GALK1: variants seen among roughly 807,000 people sequenced by gnomAD.
GALK1 encodes galactokinase 1.
GALK1 carries 30 observed loss-of-function variants against 38.6 expected under a neutral mutation model. The ratio of observed to expected loss-of-function variants is 0.78; its 90% CI spans 0.58 to 1.05. GALK1 has a LOEUF of 1.05. GALK1 is among the 50% of genes least tolerant of loss of function. GALK1 has a pLI of 0.00. For missense variants in GALK1, 512 were observed against 540.5 expected (o/e 0.95, Z 0.52); for synonymous variants, 240 against 233.6 (o/e 1.03, Z -0.25).
chr17:75,761,630 GAAAAAAAA>G (rs76350654), intron 5 of GALK1, among the ~76,000 whole-genome samples: 1 of 61,410 alleles, frequency 1.6e-5, no homozygotes, highest in Admixed American at 2.0e-4. Context: ...AAAAAAAAAA[GAAAAAAAA>G]AAAAAAAGAG....
intron 8 of GALK1, chr17:75,752,634 G>C: frequency 6.2e-7 from 1 of 1,605,552 alleles, no homozygotes; most frequent in South Asian, 1.1e-5. Flanking sequence ...TACAGAGTGA[G>C]TCCACTGGGT....
intron 1 of GALK1, chr17:75,764,398 G>C (rs1443727220): frequency 1.6e-6 from 1 of 623,740 alleles, no homozygotes; most frequent in Admixed American, 1.8e-5. Context: ...TACATTTTGG[G>C]GTGGCTCTGG....
downstream of GALK1, chr17:75,753,673 T>C: frequency 1.2e-6 from 1 of 829,908 alleles, no homozygotes; most frequent in Non-Finnish European, 1.6e-6. Context: ...GGAGACGGGC[T>C]CCCCTCGCAG....
At chr17:75,755,190 C>G (rs148725082), downstream of GALK1, 83 of 1,605,326 alleles carry the variant, frequency 5.2e-5, no homozygotes, top group Non-Finnish European at 6.1e-5. Flanking sequence ...GCTGGGAGGC[C>G]AGCAGCGCCC....
At chr17:75,760,003 G>A (rs1211062790) in intron 5 of GALK1, among the ~76,000 whole-genome samples, 1 of 152,190 alleles carries the variant, frequency 6.6e-6, no homozygotes, top group East Asian at 1.9e-4. Flanking sequence ...GAGTTTTGGA[G>A]GGAATTAAAT....
downstream of GALK1, chr17:75,753,992 C>T: frequency 4.5e-6 from 5 of 1,114,778 alleles, no homozygotes; most frequent in South Asian, 7.1e-5. Flanking sequence ...GCTCACCCGC[C>T]GCCCCCCGAT....
downstream of GALK1, chr17:75,753,773 TG>T (rs959697295): frequency 1.4e-6 from 2 of 1,447,856 alleles, no homozygotes; most frequent in African/African-American, 2.9e-5. Flanking sequence ...AGGCTGCGGC[TG>T]GAAGTTCGAG....
chr17:75,760,460 A>G (rs1209217869), intron 5 of GALK1, among the ~76,000 whole-genome samples: 1 of 151,058 alleles, frequency 6.6e-6, no homozygotes, highest in Non-Finnish European at 1.5e-5. Context: ...CTAAGAAACT[A>G]TTAAGAGAAT....
In GALK1 at chr17:75,764,018, G is replaced by A. The variant is rs759712938; in HGVS notation, c.234C>T (p.Thr78=). 1 of 1,608,278 alleles carries A rather than the reference G, an allele frequency of 6.2e-7. No homozygotes were observed. Among genetic ancestry groups the A allele is most frequent in the South Asian group, 1.1e-5 (1 of 90,302 alleles). ...GCTGGGGCTCATCGGCACCCTCAGA[G>A]GTGGTGAGGAGAGACACCAGCCCAT... ...RKDGLVSLLT[T]SEGADEPQRL... Residue 78 remains threonine (T), a synonymous_variant, in exon 2 of 8, where the codon ACC becomes ACT. Transcript: ENST00000588479.
chr17:75,762,886 C>T lies in GALK1; in HGVS notation c.612-1G>A, dbSNP rs1555748556. 1 of 1,613,256 alleles carries T rather than the reference C, an allele frequency of 6.2e-7. No individual in the cohort carries two copies. The highest frequency in any genetic ancestry group is 8.5e-7 in the Non-Finnish European group (1 of 1,179,868). On this transcript the variant is annotated splice_acceptor_variant, in intron 4 of 7. Transcript: ENST00000588479. LOFTEE classifies it high-confidence loss of function. ...TGGCACCAGGCTGGTCTCCAAGGAC[C>T]TGGGGTGGAGTTACAATGGGGGAGA...
downstream of GALK1, chr17:75,756,312 A>G: frequency 8.8e-7 from 1 of 1,131,926 alleles, no homozygotes; most frequent in African/African-American, 1.5e-5. Flanking sequence ...TACCCAAACC[A>G]CAGCTAGTCC....
downstream of GALK1, chr17:75,754,827 C>CGG: frequency 6.2e-7 from 1 of 1,613,790 alleles, no homozygotes; most frequent in African/African-American, 1.3e-5. Context: ...TGAGTGACCT[C>CGG]AGCCAACCCT....
chr17:75,762,257 C>T (rs2061590451), intron 5 of GALK1, among the ~76,000 whole-genome samples: 1 of 151,330 alleles, frequency 6.6e-6, no homozygotes, highest in African/African-American at 2.4e-5. Context: ...TTCAAGTTTG[C>T]AGTAAGCTAT....
At chr17:75,755,940 A>G (rs908911637), downstream of GALK1, 106 of 1,483,138 alleles carry the variant, frequency 7.1e-5, 1 homozygote, top group Middle Eastern at 2.3e-4. Flanking sequence ...TGTGTCAGGA[A>G]CCCACCCAAG....
chr17:75,755,148 C>A, downstream of GALK1: 1 of 1,611,836 alleles, frequency 6.2e-7, no homozygotes, highest in Non-Finnish European at 8.5e-7. Flanking sequence ...GGGTTCCCCC[C>A]TTCCAGGGGC....
At chr17:75,757,437 A>C (rs1192767025), downstream of GALK1, 14 of 1,613,114 alleles carry the variant, frequency 8.7e-6, no homozygotes, top group Non-Finnish European at 1.2e-5. Context: ...CTGGGGGCCC[A>C]GCACCTGGAG....
chr17:75,755,214 G>C (rs753029254), downstream of GALK1: 2 of 1,602,086 alleles, frequency 1.2e-6, no homozygotes, highest in Non-Finnish European at 1.7e-6. Context: ...TGGGGCCCAG[G>C]TAGTACAGGG....
At chr17:75,756,994 C>CCGTGCCGGGCCTCAGCGAGAA (rs1568388833), downstream of GALK1, 3 of 1,612,862 alleles carry the variant, frequency 1.9e-6, no homozygotes, top group Non-Finnish European at 2.5e-6. Context: ...AGCCGGCTGA[C>CCGTGCCGGGCCTCAGCGAGAA]CGTGCCGGGC....
chr17:75,756,898 G>A (rs1167568164), downstream of GALK1: 4 of 1,612,084 alleles, frequency 2.5e-6, no homozygotes, highest in East Asian at 2.2e-5. Flanking sequence ...CCAGGGGAGG[G>A]GTAAAGAGGG....
Sources: allele counts gnomAD v4.1 joint callset (sites outside exome capture counted in the v4.1 genomes callset), GRCh38; gene constraint gnomAD v4.1.1; transcripts MANE v1.5; gene names NCBI Gene and HGNC (gene_info 2026-07-23, HGNC 2026-07-21).